C12orf42: variants seen among roughly 807,000 people sequenced by gnomAD.
C12orf42 encodes chromosome 12 open reading frame 42.
C12orf42 carries 25 observed loss-of-function variants against 21.6 expected under a neutral mutation model. The ratio of observed to expected loss-of-function variants is 1.16; its 90% CI spans 0.84 to 1.62. The LOEUF (loss-of-function observed/expected upper bound fraction) is 1.62, where lower values mean the gene tolerates loss of function less well. Ranked by LOEUF, C12orf42 falls within the 40% of genes most tolerant of loss-of-function variation. The pLI is 0.00. For missense variants in C12orf42, 483 were observed against 459.3 expected, an observed-to-expected ratio of 1.05 and a Z score of -0.47; for synonymous variants, 174 against 175.0, an observed-to-expected ratio of 0.99 and a Z score of 0.05.
chr12:103,490,227 A>C (rs1395578002), intron 1 of C12orf42, among the ~76,000 whole-genome samples: 1 of 152,210 alleles, frequency 6.6e-6, no homozygotes, highest in South Asian at 2.1e-4. Context: ...AGTCTCTGAC[A>C]TTTAAAAGAA....
chr12:103,242,817 T>A (rs2033814695), intron 10 of C12orf42, among the ~76,000 whole-genome samples: 1 of 152,170 alleles, frequency 6.6e-6, no homozygotes, highest in Non-Finnish European at 1.5e-5. Context: ...AGTAATTCAC[T>A]TTATAAAAAG....
intron 2 of C12orf42, among the ~76,000 whole-genome samples, chr12:103,465,052 T>C (rs570851714): frequency 1.3e-5 from 2 of 152,288 alleles, no homozygotes; most frequent in South Asian, 4.1e-4. Flanking sequence ...TTTACTTTAC[T>C]CTTTTTACTT....
At chr12:103,251,798 G>A (rs3858691) in intron 10 of C12orf42, among the ~76,000 whole-genome samples, 27,696 of 151,904 alleles carry the variant, frequency 0.18, 2,897 homozygotes, top group Middle Eastern at 0.27. Flanking sequence ...TTATTGCTAC[G>A]CACTGTATTC....
At chr12:103,465,691 A>T (rs1444259310) in intron 2 of C12orf42, among the ~76,000 whole-genome samples, 1 of 152,164 alleles carries the variant, frequency 6.6e-6, no homozygotes, top group East Asian at 1.9e-4. Context: ...TTTCAAAGGG[A>T]ATGCTTCCAG....
the C12orf42 span, among the ~76,000 whole-genome samples, chr12:103,189,971 G>GTATA: frequency 0.27 from 41,212 of 150,740 alleles, 6,563 homozygotes; most frequent in Non-Finnish European, 0.37. Flanking sequence ...ATATACATGT[G>GTATA]TATATATATA....
intron 3 of C12orf42, among the ~76,000 whole-genome samples, chr12:103,371,746 T>C (rs779491262): frequency 2.4e-4 from 37 of 152,222 alleles, no homozygotes; most frequent in Non-Finnish European, 4.4e-4. Flanking sequence ...GCAGGGGTTA[T>C]AAAATCATGT....
chr12:103,560,163 AT>A, the C12orf42 span, among the ~76,000 whole-genome samples: 1 of 152,238 alleles, frequency 6.6e-6, no homozygotes, highest in African/African-American at 2.4e-5. Context: ...TAATGTCCCC[AT>A]TTTATAGATG....
chr12:103,091,176 G>A, the C12orf42 span, among the ~76,000 whole-genome samples: 1 of 152,124 alleles, frequency 6.6e-6, no homozygotes, highest in African/African-American at 2.4e-5. Flanking sequence ...ATGTGGGATT[G>A]GGAGCTGAAT....
At chr12:103,179,677 T>G in the C12orf42 span, among the ~76,000 whole-genome samples, 1 of 152,088 alleles carries the variant, frequency 6.6e-6, no homozygotes, top group African/African-American at 2.4e-5. Flanking sequence ...ATTAGAAATA[T>G]GAGGGGATCA....
chr12:103,408,030 G>C (rs1485983486), intron 2 of C12orf42, among the ~76,000 whole-genome samples: 1 of 152,128 alleles, frequency 6.6e-6, no homozygotes, highest in Non-Finnish European at 1.5e-5. Flanking sequence ...CCTCTTTGCA[G>C]ATAAAGCCCC....
chr12:103,487,915 C>T (rs1448423552), intron 1 of C12orf42, among the ~76,000 whole-genome samples: 4 of 152,100 alleles, frequency 2.6e-5, no homozygotes, highest in Non-Finnish European at 5.9e-5. Flanking sequence ...ATCCAATTTG[C>T]CAGTCTGTGT....
intron 2 of C12orf42, among the ~76,000 whole-genome samples, chr12:103,435,003 C>G (rs1232788908): frequency 6.6e-6 from 1 of 152,208 alleles, no homozygotes; most frequent in Non-Finnish European, 1.5e-5. Flanking sequence ...ATGTCCCTGT[C>G]TGACAGCTTT....
At chr12:103,335,411 C>A (rs1316256996) in intron 4 of C12orf42, among the ~76,000 whole-genome samples, 3 of 152,138 alleles carry the variant, frequency 2.0e-5, no homozygotes, top group African/African-American at 4.8e-5. Context: ...AGAATAGAAG[C>A]CTTAATAGGC....
rs1244063132 is a variant in C12orf42, at chr12:103,242,327, AT to A, written c.*1367-4426del. 2.6e-5 allele frequency among the ~76,000 whole-genome samples: 4 copies of A among 152,160 alleles called. No homozygotes were observed. In the East Asian group the frequency reaches 7.7e-4, roughly 29 times the overall value. On this transcript the variant is annotated intron_variant and NMD_transcript_variant, in intron 10 of 10. Coordinates refer to the C12orf42 transcript ENST00000547347. Reference sequence around the variant, plus strand: ...TTTTCTTTCAGTTGTGCTATGAAACATTTTCTCAGACTTCAATTCAGCCTCA... The same window carrying A: ...TTTTCTTTCAGTTGTGCTATGAAACATTTCTCAGACTTCAATTCAGCCTCA...
At chr12:103,404,389 A>G (rs2048272838) in intron 2 of C12orf42, among the ~76,000 whole-genome samples, 1 of 152,250 alleles carries the variant, frequency 6.6e-6, no homozygotes, top group Admixed American at 6.5e-5. Context: ...TAGCTGGGAT[A>G]TTCATTGCCA....
the C12orf42 span, among the ~76,000 whole-genome samples, chr12:103,061,344 T>A: frequency 6.6e-6 from 1 of 152,284 alleles, no homozygotes; most frequent in South Asian, 2.1e-4. Context: ...GAAAGTAATG[T>A]TTATTCTGTT....
chr12:103,173,836 G>T, the C12orf42 span, among the ~76,000 whole-genome samples: 3 of 152,040 alleles, frequency 2.0e-5, no homozygotes, highest in Admixed American at 2.0e-4. Flanking sequence ...TTCACTGCAG[G>T]AACTCAAGCA....
chr12:103,063,704 A>T, the C12orf42 span, among the ~76,000 whole-genome samples: 2,135 of 152,258 alleles, frequency 0.014, 24 homozygotes, highest in Non-Finnish European at 0.02. Context: ...CTAGACCTAC[A>T]ACTAGACTAA....
the C12orf42 span, chr12:103,081,574 G>A: frequency 6.6e-6 from 1 of 152,102 alleles, no homozygotes. Context: ...TTATTAAAAT[G>A]TTTCATTTCT....
Sources: gnomAD v4.1 joint callset for allele counts (sites outside exome capture counted in the v4.1 genomes callset) on GRCh38, gnomAD v4.1.1 for gene constraint, MANE v1.5 for transcripts, NCBI Gene and HGNC (gene_info 2026-07-23, HGNC 2026-07-21) for gene names.